The following CSMD3 variants were observed in gnomAD, a reference collection of about 807,000 sequenced individuals.
The protein encoded by CSMD3 is CUB and Sushi multiple domains 3.
In CSMD3, 177 loss-of-function variants were observed where a neutral mutation model predicts 435.2. The ratio of observed to expected loss-of-function variants is 0.41; its 90% CI spans 0.36 to 0.46. CSMD3 has a LOEUF of 0.46. Ranked by LOEUF, CSMD3 falls within the 20% of genes least tolerant of loss-of-function variation. The pLI is 0.34. For synonymous variants in CSMD3, 1,656 were observed against 1,520.5 expected (o/e 1.09, Z -2.07); for missense variants, 4,265 against 4,504.6 (o/e 0.95, Z 1.52).
At chr8:113,029,908 G>A (rs958531644) in intron 5 of CSMD3, among the ~76,000 whole-genome samples, 2 of 151,214 alleles carry the variant, frequency 1.3e-5, no homozygotes, top group African/African-American at 2.4e-5. Flanking sequence ...TCCTAGAACT[G>A]ATAAAAAAAA....
chr8:112,255,543 G>A, intron 61 of CSMD3, 116 bp from the exon 62 acceptor site: 4 of 884,416 alleles, frequency 4.5e-6, no homozygotes, highest in Admixed American at 2.2e-5. Context: ...TATTATTCAT[G>A]ATAAAGCTAT....
chr8:112,245,644 T>A (rs1002317702), intron 64 of CSMD3, among the ~76,000 whole-genome samples: 1 of 152,074 alleles, frequency 6.6e-6, no homozygotes, highest in South Asian at 2.1e-4. Flanking sequence ...TTCAAGCGAT[T>A]CTCCTGCCTC....
intron 11 of CSMD3, among the ~76,000 whole-genome samples, chr8:112,852,022 C>T (rs1587477950): frequency 6.6e-6 from 1 of 152,164 alleles, no homozygotes; most frequent in East Asian, 1.9e-4. Flanking sequence ...CCAGGAGCAG[C>T]AAGTCAGAAA....
intron 13 of CSMD3, among the ~76,000 whole-genome samples, chr8:112,775,909 C>G (rs565698235): frequency 6.6e-6 from 1 of 151,604 alleles, no homozygotes; most frequent in Non-Finnish European, 1.5e-5. Flanking sequence ...AGAAAGTTAC[C>G]TTTATTTGCT....
At chr8:113,019,615 G>A (rs1032149052) in intron 5 of CSMD3, among the ~76,000 whole-genome samples, 5 of 150,534 alleles carry the variant, frequency 3.3e-5, no homozygotes, top group African/African-American at 4.9e-5. Context: ...ATATTGAGCT[G>A]ATGGTGCTAG....
chr8:112,742,813 AGACT>A (rs1329329860), intron 13 of CSMD3, among the ~76,000 whole-genome samples: 1 of 152,006 alleles, frequency 6.6e-6, no homozygotes. Flanking sequence ...GAAATGAAGA[AGACT>A]GACTACTGAG....
At chr8:113,254,531 C>G (rs2093363510) in intron 3 of CSMD3, among the ~76,000 whole-genome samples, 1 of 152,168 alleles carries the variant, frequency 6.6e-6, no homozygotes, top group Non-Finnish European at 1.5e-5. Flanking sequence ...GTAAGGCACA[C>G]ATGGTCCAAC....
At chr8:112,944,967 C>T (rs189003476) in intron 9 of CSMD3, among the ~76,000 whole-genome samples, 1 of 151,582 alleles carries the variant, frequency 6.6e-6, no homozygotes, top group Non-Finnish European at 1.5e-5. Flanking sequence ...CCTATGGTTC[C>T]CTGATATCTC....
intron 25 of CSMD3, 70 bp from the exon 26 acceptor site, chr8:112,552,790 T>C (rs1418018663): frequency 3.6e-6 from 5 of 1,391,080 alleles, no homozygotes; most frequent in South Asian, 1.2e-5. Flanking sequence ...TACAAATTTC[T>C]CATGAGTAGA....
chr8:112,303,282 G>A (rs1176194019), intron 52 of CSMD3, among the ~76,000 whole-genome samples: 3 of 152,272 alleles, frequency 2.0e-5, no homozygotes, highest in East Asian at 1.9e-4. Context: ...CAGGCTGTGC[G>A]CAGTGGCTCA....
intron 63 of CSMD3, among the ~76,000 whole-genome samples, chr8:112,248,244 A>T (rs1814941138): frequency 6.6e-6 from 1 of 152,104 alleles, no homozygotes; most frequent in Non-Finnish European, 1.5e-5. Flanking sequence ...CCAGGATGAC[A>T]CTCAAGTTTT....
At chr8:112,887,098 T>C (rs2130280497) in intron 10 of CSMD3, among the ~76,000 whole-genome samples, 1 of 151,562 alleles carries the variant, frequency 6.6e-6, no homozygotes, top group South Asian at 2.1e-4. Flanking sequence ...TGAGGTAAAA[T>C]AGCACTTCAT....
chr8:112,634,275 C>T (rs922071667), intron 22 of CSMD3, among the ~76,000 whole-genome samples: 11 of 151,542 alleles, frequency 7.3e-5, no homozygotes, highest in Non-Finnish European at 1.6e-4. Flanking sequence ...TATACACATA[C>T]GTGTGTTTAG....
At chr8:112,807,281 T>C (rs2079111770) in intron 12 of CSMD3, among the ~76,000 whole-genome samples, 1 of 152,156 alleles carries the variant, frequency 6.6e-6, no homozygotes, top group South Asian at 2.1e-4. Context: ...TTCCATTACA[T>C]AGGGAGCCAA....
intron 3 of CSMD3, among the ~76,000 whole-genome samples, chr8:113,199,531 TA>T (rs1272061614): frequency 1.3e-5 from 2 of 151,804 alleles, no homozygotes; most frequent in Non-Finnish European, 2.9e-5. Flanking sequence ...ACTGCCTTAT[TA>T]TTTTTTTAAC....
chr8:113,412,236 A>T (rs1252518203), intron 1 of CSMD3, among the ~76,000 whole-genome samples: 2 of 152,216 alleles, frequency 1.3e-5, no homozygotes, highest in African/African-American at 4.8e-5. Flanking sequence ...CATATCAATC[A>T]TATGCAAGCA....
intron 4 of CSMD3, among the ~76,000 whole-genome samples, chr8:113,147,322 A>G (rs2091699348): frequency 6.6e-6 from 1 of 151,752 alleles, no homozygotes; most frequent in African/African-American, 2.4e-5. Flanking sequence ...TATATATTGC[A>G]TAAAAGTTTT....
intron 59 of CSMD3, among the ~76,000 whole-genome samples, chr8:112,272,474 A>G (rs1311421329): frequency 6.6e-6 from 1 of 152,152 alleles, no homozygotes; most frequent in Admixed American, 6.5e-5. Context: ...AACACATCAA[A>G]ATTTATTAAA....
At chr8:113,018,732 C>A in intron 6 of CSMD3, 1 of 282,436 alleles carries the variant, frequency 3.5e-6, no homozygotes. Flanking sequence ...AGCGTACATG[C>A]AACTGAAGGT....
Sources: gnomAD v4.1 joint callset for allele counts (sites outside exome capture counted in the v4.1 genomes callset) on GRCh38, gnomAD v4.1.1 for gene constraint, MANE v1.5 for transcripts, NCBI Gene and HGNC (gene_info 2026-07-23, HGNC 2026-07-21) for gene names.